DCBLD1: variants seen among roughly 807,000 people sequenced by gnomAD.
DCBLD1 encodes discoidin, CUB and LCCL domain-containing protein 1.
In DCBLD1, 57 loss-of-function variants were observed where a neutral mutation model predicts 71.5. The observed-to-expected ratio is 0.80, with a 90% confidence interval of 0.64 to 0.99. DCBLD1 has a LOEUF of 0.99. Ranked by LOEUF, DCBLD1 falls within the 50% of genes least tolerant of loss-of-function variation. The probability of loss-of-function intolerance (pLI) is 0.00; values close to 1 mark genes in which losing one functional copy is unlikely to be tolerated. For synonymous variants in DCBLD1, 380 were observed against 363.8 expected, an observed-to-expected ratio of 1.04 and a Z score of -0.51; for missense variants, 891 against 923.5, an observed-to-expected ratio of 0.96 and a Z score of 0.46.
In DCBLD1 at chr6:117,482,829, GC is replaced by G. The variant is rs1195656555; in HGVS notation, c.49del (p.Arg17GlyfsTer28). 1.0e-5 allele frequency: 12 copies of G among 1,169,564 alleles called. No individual in the cohort carries two copies. In the African/African-American group the frequency reaches 1.6e-4, roughly 16 times the overall value. The allele number at this position is 1,169,564 out of a possible 1,614,324, so 72.4% of individuals were successfully genotyped here. A position where few individuals can be genotyped will look rare whatever the true frequency, so the allele number is the denominator to read the frequency against. On this transcript the variant is annotated frameshift_variant, in exon 1 of 15. Coordinates refer to ENST00000338728, the MANE Select transcript of DCBLD1 (RefSeq NM_001366458.2). LOFTEE classifies it high-confidence loss of function. ...GCGGCGCACTGGCGCGGGCTGCCGG[GC>G]GGGGCCTCCTGGCTTTGCTGCTCGC... is the stretch of plus-strand genomic sequence containing the variant. Reference protein sequence around the residue: ...GGGALARAAGRGLLALLLAVS... With the variant: ...GGGALARAAGXGLLALLLAVS...
chr6:117,552,077 G>T (rs1184065478), downstream of DCBLD1, among the ~76,000 whole-genome samples: 1 of 152,146 alleles, frequency 6.6e-6, no homozygotes, highest in African/African-American at 2.4e-5. Context: ...CCAAGATCAC[G>T]CCACGGCACT....
chr6:117,539,540 A>G (rs1779018976), intron 9 of DCBLD1, 161 bp downstream of exon 9: 5 of 803,288 alleles, frequency 6.2e-6, no homozygotes, highest in Non-Finnish European at 7.1e-6. Context: ...CCAAGGCAGG[A>G]GGATCATTTG....
intron 6 of DCBLD1, among the ~76,000 whole-genome samples, chr6:117,532,719 G>C (rs1396177227): frequency 6.6e-6 from 1 of 152,164 alleles, no homozygotes; most frequent in Admixed American, 6.5e-5. Context: ...GCTTCTATAA[G>C]TTACTGGTTG....
chr6:117,522,644 A>G (rs1778424341), intron 4 of DCBLD1, among the ~76,000 whole-genome samples: 1 of 152,012 alleles, frequency 6.6e-6, no homozygotes, highest in South Asian at 2.1e-4. Context: ...GTCTTTCTAT[A>G]TTGTCCAAGC....
chr6:117,563,162 TC>T (rs2114597562), intron 14 of DCBLD1: 1 of 1,199,182 alleles, frequency 8.3e-7, no homozygotes, highest in South Asian at 1.4e-5. Flanking sequence ...ACAAACAGCC[TC>T]CCCTGATTTT....
intron 4 of DCBLD1, among the ~76,000 whole-genome samples, chr6:117,523,966 A>G (rs1407036273): frequency 2.0e-5 from 3 of 152,124 alleles, no homozygotes; most frequent in Admixed American, 6.5e-5. Flanking sequence ...TGTTTTTTAT[A>G]GATGTTTATA....
intron 8 of DCBLD1, 75 bp downstream of exon 8, chr6:117,538,910 T>A: frequency 2.1e-6 from 3 of 1,451,150 alleles, no homozygotes; most frequent in Non-Finnish European, 2.8e-6. Flanking sequence ...GAAAATACGC[T>A]TATTGTTTAC....
chr6:117,549,587 T>G lies in DCBLD1; in HGVS notation c.*1148T>G. The stretch of plus-strand genomic sequence containing the variant: ...GTGTGTGTTTTTTTAATAGAAAATA[T>G]GGACCAAAAATTTTTTTCCCTGAAG... On this transcript the variant is annotated 3_prime_UTR_variant, in exon 15 of 15. Transcript: ENST00000338728. 1 of 985,406 alleles carries G rather than the reference T, an allele frequency of 1.0e-6. No homozygotes were observed. The highest frequency in any genetic ancestry group is 1.2e-6 in the Non-Finnish European group (1 of 829,920). 61.0% of individuals were successfully genotyped at this position (985,406 alleles called of 1,614,324 possible).
rs1054837585 is a variant in DCBLD1 at position 117,538,695 on chromosome 6, G to C, written c.836G>C (p.Ser279Thr). ...TCCTCATGGCAGTCGGTCAATGAGA[G>C]TGGAGACCAAGTTCACTGGTCTCCT... The part of the protein sequence containing the change: ...ASSSWQSVNE[S>T]GDQVHWSPGQ... The change falls in exon 8 of 15, where the codon AGT (serine) becomes ACT (threonine). Residue 279 changes from serine to threonine, a missense_variant. Transcript: ENST00000338728. 1.9e-6 allele frequency: 3 copies of C among 1,614,172 alleles called. No individual in the cohort carries two copies. In the East Asian group the frequency reaches 6.7e-5, roughly 36 times the overall value.
intron 8 of DCBLD1, 189 bp from the exon 9 acceptor site, chr6:117,539,066 T>C: frequency 1.4e-6 from 1 of 694,334 alleles, no homozygotes; most frequent in South Asian, 2.1e-5. Context: ...GGTGAAATCT[T>C]TATATGGTGT....
intron 2 of DCBLD1, among the ~76,000 whole-genome samples, chr6:117,505,561 C>G (rs9285420): frequency 0.8 from 121,140 of 152,188 alleles, 48,820 homozygotes; most frequent in African/African-American, 0.92. Flanking sequence ...GCTGAAGTGA[C>G]AGCAACTAAG....
At chr6:117,486,979 G>C (rs1777109625) in intron 1 of DCBLD1, among the ~76,000 whole-genome samples, 1 of 152,008 alleles carries the variant, frequency 6.6e-6, no homozygotes, top group Admixed American at 6.6e-5. Context: ...AGATTGCCAC[G>C]CTCCTTATGA....
chr6:117,507,403 A>G (rs932049583), intron 2 of DCBLD1, among the ~76,000 whole-genome samples: 2 of 152,222 alleles, frequency 1.3e-5, no homozygotes, highest in African/African-American at 4.8e-5. Context: ...TGTTTGTCAT[A>G]TATTATAATT....
In DCBLD1 at chr6:117,539,277, A is replaced by G; in HGVS notation, c.999A>G (p.Thr333=). 6.2e-7 allele frequency: 1 copy of G among 1,603,362 alleles called. No individual in the cohort carries two copies. The highest frequency in any genetic ancestry group is 8.5e-7 in the Non-Finnish European group (1 of 1,176,954). The part of the protein sequence containing the change: ...KITGIRTTGS[T]QSNFNFYVKS... ...AAGGAATTAGGACCACAGGATCTAC[A>G]CAGTCGAACTTCAACTTTTATGTTA... Residue 333 remains threonine (T), a synonymous_variant, in exon 9 of 15, where the codon ACA becomes ACG. Transcript: ENST00000338728.
chr6:117,529,633 CAAAT>C (rs1314990334), intron 5 of DCBLD1, among the ~76,000 whole-genome samples: 2 of 152,090 alleles, frequency 1.3e-5, no homozygotes, highest in Non-Finnish European at 2.9e-5. Flanking sequence ...AAAAAAGTGA[CAAAT>C]AAACATCAAT....
chr6:117,536,199 A>T (rs1778876595), intron 6 of DCBLD1, among the ~76,000 whole-genome samples: 1 of 152,224 alleles, frequency 6.6e-6, no homozygotes, highest in Non-Finnish European at 1.5e-5. Context: ...ATAATTCAGA[A>T]TTAAACATTT....
intron 1 of DCBLD1, among the ~76,000 whole-genome samples, chr6:117,501,483 G>A (rs915253819): frequency 5.3e-5 from 8 of 152,022 alleles, no homozygotes; most frequent in African/African-American, 1.9e-4. Context: ...ACAGGCTCGC[G>A]CTACCATGCC....
At chr6:117,541,634 A>G (rs962529176) in intron 11 of DCBLD1, among the ~76,000 whole-genome samples, 1 of 152,362 alleles carries the variant, frequency 6.6e-6, no homozygotes, top group South Asian at 2.1e-4. Context: ...AGAATATAAA[A>G]TAATTTGCAT....
intron 2 of DCBLD1, among the ~76,000 whole-genome samples, chr6:117,506,356 C>G (rs1176778435): frequency 3.3e-5 from 5 of 151,980 alleles, no homozygotes; most frequent in African/African-American, 4.8e-5. Flanking sequence ...TCACCATCAC[C>G]AAAAAAACCA....
Sources: gnomAD v4.1 joint callset for allele counts (sites outside exome capture counted in the v4.1 genomes callset) on GRCh38, gnomAD v4.1.1 for gene constraint, MANE v1.5 for transcripts, NCBI Gene and HGNC (gene_info 2026-07-23, HGNC 2026-07-21) for gene names.